The following ARHGEF4 variants were observed in gnomAD, a reference collection of about 807,000 sequenced individuals.
The protein encoded by ARHGEF4 is APC-stimulated guanine nucleotide exchange factor 1.
ARHGEF4 carries 119 observed loss-of-function variants against 162.0 expected under a neutral mutation model. The ratio of observed to expected loss-of-function variants is 0.73; its 90% CI spans 0.63 to 0.86. ARHGEF4 has a LOEUF of 0.86. Among genes scored for constraint, ARHGEF4 ranks in the 40% least tolerant of loss-of-function variants. The pLI, the probability that ARHGEF4 is intolerant of heterozygous loss-of-function variation, is 0.00. For synonymous variants in ARHGEF4, 1,014 were observed against 979.9 expected, an observed-to-expected ratio of 1.03 and a Z score of -0.65; for missense variants, 2,488 against 2,456.0, an observed-to-expected ratio of 1.01 and a Z score of -0.28.
intron 3 of ARHGEF4, among the ~76,000 whole-genome samples, chr2:130,936,964 A>G (rs1682991551): frequency 8.0e-6 from 1 of 125,678 alleles, no homozygotes; most frequent in Non-Finnish European, 1.5e-5. Flanking sequence ...CTGGAGCACG[A>G]TGGTGCAATC....
At chr2:130,919,288 A>G (rs1375662367) in intron 2 of ARHGEF4, among the ~76,000 whole-genome samples, 1 of 152,118 alleles carries the variant, frequency 6.6e-6, no homozygotes, top group Non-Finnish European at 1.5e-5. Context: ...CGATGCTTTT[A>G]TTTATGTCTG....
intron 5 of ARHGEF4, among the ~76,000 whole-genome samples, chr2:131,028,489 A>C (rs1253240347): frequency 6.6e-6 from 1 of 152,230 alleles, no homozygotes; most frequent in Non-Finnish European, 1.5e-5. Context: ...GTTGAGGGAA[A>C]AACCATTTTC....
At position 131,041,115 on chromosome 2, in the gene ARHGEF4, G is replaced by GC. The variant is rs565296980; in HGVS notation, c.4663-110dup. The GC allele has an allele frequency of 1.5e-4, 143 of 959,284 alleles. No individual in the cohort carries two copies. In the African/African-American group the frequency reaches 1.9e-3, roughly 13 times the overall value. The allele number at this position is 959,284 out of a possible 1,614,324, so 59.4% of individuals were successfully genotyped here. ...GTACACACAGCCTGGGTCTCCCCTA[G>GC]CCCCCAGCCCAGCTCCTGAAGGAAA... is the stretch of plus-strand genomic sequence containing the variant. On this transcript the variant is annotated intron_variant, in intron 8 of 13. Coordinates refer to ENST00000409359, the MANE Select transcript of ARHGEF4 (RefSeq NM_001367493.1).
At chr2:130,992,628 A>G (rs1573550907) in intron 4 of ARHGEF4, among the ~76,000 whole-genome samples, 1 of 152,204 alleles carries the variant, frequency 6.6e-6, no homozygotes, top group Non-Finnish European at 1.5e-5. Flanking sequence ...TAAGAGCTGT[A>G]ACACTCACCG....
intron 4 of ARHGEF4, among the ~76,000 whole-genome samples, chr2:130,969,258 C>G (rs748592909): frequency 6.6e-6 from 1 of 152,102 alleles, no homozygotes; most frequent in Non-Finnish European, 1.5e-5. Flanking sequence ...ACTTGAAGTA[C>G]AGTTTTTACT....
chr2:130,988,164 G>A (rs1050937260), intron 4 of ARHGEF4, among the ~76,000 whole-genome samples: 5 of 152,236 alleles, frequency 3.3e-5, no homozygotes, highest in Non-Finnish European at 7.3e-5. Flanking sequence ...TGTGTCTGCT[G>A]TGGACAGGTG....
intron 1 of ARHGEF4, among the ~76,000 whole-genome samples, chr2:130,848,270 C>G (rs774653302): frequency 6.6e-6 from 1 of 152,194 alleles, no homozygotes; most frequent in Non-Finnish European, 1.5e-5. Context: ...AGGCCAGGAT[C>G]GCGTCTGAAC....
At chr2:130,998,086 C>T (rs999091793) in intron 4 of ARHGEF4, among the ~76,000 whole-genome samples, 3 of 152,214 alleles carry the variant, frequency 2.0e-5, no homozygotes, top group Non-Finnish European at 4.4e-5. Context: ...TTCACCACTT[C>T]CCACTAACTC....
chr2:130,987,496 A>G (rs1558810915), intron 4 of ARHGEF4, among the ~76,000 whole-genome samples: 1 of 152,202 alleles, frequency 6.6e-6, no homozygotes, highest in Non-Finnish European at 1.5e-5. Context: ...GCTGGTGGCC[A>G]GCTTTTATTC....
At chr2:130,908,663 G>A (rs561499396) in intron 1 of ARHGEF4, among the ~76,000 whole-genome samples, 19 of 151,928 alleles carry the variant, frequency 1.3e-4, no homozygotes, top group South Asian at 8.3e-4. Flanking sequence ...GCGACAGTGC[G>A]AGCTCCATCT....
intron 4 of ARHGEF4, among the ~76,000 whole-genome samples, chr2:131,006,941 G>A (rs561094043): frequency 6.6e-6 from 1 of 152,342 alleles, no homozygotes; most frequent in East Asian, 1.9e-4. Flanking sequence ...TTGGGAGGTG[G>A]ACTGTAGGTA....
chr2:130,856,698 A>G (rs992122100), intron 1 of ARHGEF4, among the ~76,000 whole-genome samples: 1 of 152,238 alleles, frequency 6.6e-6, no homozygotes, highest in African/African-American at 2.4e-5. Flanking sequence ...GATATACCTA[A>G]TGTTAAATGA....
At chr2:130,933,959 C>G (rs1682789485) in intron 3 of ARHGEF4, among the ~76,000 whole-genome samples, 1 of 151,816 alleles carries the variant, frequency 6.6e-6, no homozygotes, top group African/African-American at 2.4e-5. Flanking sequence ...ACTTACATAA[C>G]AATGTTGAGC....
At chr2:130,992,894 G>T (rs1174029706) in intron 4 of ARHGEF4, among the ~76,000 whole-genome samples, 2 of 152,192 alleles carry the variant, frequency 1.3e-5, no homozygotes, top group African/African-American at 4.8e-5. Flanking sequence ...GACCAGCCTG[G>T]CCAGCATGGC....
chr2:130,916,726 AAG>A lies in ARHGEF4; in HGVS notation c.2784_2785del (p.Asn929HisfsTer3). 11 of 1,550,688 alleles carry A rather than the reference AAG, an allele frequency of 7.1e-6. No individual in the cohort carries two copies. The highest frequency in any genetic ancestry group is 9.6e-6 in the Non-Finnish European group (11 of 1,147,016). ...TTTATTGAGTCAATAGTTCTAGAGA[AAG>A]AGAACACCCATGAACGTTCCCCAAG... On this transcript the variant is annotated frameshift_variant, in exon 2 of 14. Coordinates refer to ENST00000409359, the MANE Select transcript of ARHGEF4 (RefSeq NM_001367493.1). LOFTEE classifies it high-confidence loss of function.
chr2:130,933,747 A>C (rs570324020), intron 3 of ARHGEF4, among the ~76,000 whole-genome samples: 5 of 152,352 alleles, frequency 3.3e-5, no homozygotes, highest in African/African-American at 1.2e-4. Flanking sequence ...AGAGCATAAA[A>C]ATACAATTGA....
chr2:130,980,328 A>G (rs1686037238), intron 4 of ARHGEF4, among the ~76,000 whole-genome samples: 1 of 151,498 alleles, frequency 6.6e-6, no homozygotes, highest in Admixed American at 6.6e-5. Flanking sequence ...GCCCAGTGGC[A>G]GAGGTTGCAG....
chr2:131,029,545 C>T (rs1259637500), intron 5 of ARHGEF4, among the ~76,000 whole-genome samples: 1 of 95,014 alleles, frequency 1.1e-5, no homozygotes, highest in Non-Finnish European at 2.1e-5. Context: ...AATGGTTGTG[C>T]TTTTCCTTTT....
Position 130,916,186 on chromosome 2 carries a change from G to A in ARHGEF4, c.2240G>A (p.Gly747Glu). The A allele has an allele frequency of 6.5e-7, 1 of 1,548,282 alleles. No homozygotes were observed. The highest frequency in any genetic ancestry group is 8.7e-7 in the Non-Finnish European group (1 of 1,146,752). The change falls in exon 2 of 14, where the codon GGG (glycine) becomes GAG (glutamate). Residue 747 changes from glycine (G) to glutamate (E), a missense_variant. This residue lies in a region of ARHGEF4 where 1,642 missense variants were observed against 1,481.5 expected (regional missense o/e 1.11). Transcript: ENST00000409359. ...GGGGAGAGCCGGAGCTCCGGGTCAG[G>A]GGAGCGTGGCCCGGAGGAGGCCCCC... is the stretch of plus-strand genomic sequence containing the variant. ...LRGESRSSGS[G>E]ERGPEEAPEG... is the part of the protein sequence containing the mutation.
Sources: gnomAD v4.1 joint callset for allele counts (sites outside exome capture counted in the v4.1 genomes callset) on GRCh38, gnomAD v4.1.1 for gene constraint, gnomAD v4.1.1 regional missense constraint, MANE v1.5 for transcripts, NCBI Gene and HGNC (gene_info 2026-07-23, HGNC 2026-07-21) for gene names.